Variants in ARHGEF10 observed in about 807,000 individuals in gnomAD.
ARHGEF10 encodes Rho guanine nucleotide exchange factor (GEF) 10.
A neutral mutation model predicts 147.4 loss-of-function variants in ARHGEF10; 140 were observed. The ratio of observed to expected loss-of-function variants is 0.95; its 90% CI spans 0.83 to 1.09. The LOEUF is 1.09. ARHGEF10 is among the 50% of genes least tolerant of loss of function. ARHGEF10 has a pLI of 0.00. For missense variants in ARHGEF10, 2,222 were observed against 1,752.7 expected (o/e 1.27, Z -4.78); for synonymous variants, 902 against 695.8 (o/e 1.30, Z -4.67).
At position 1,867,205 on chromosome 8, in the gene ARHGEF10, G is replaced by A. The variant is rs573194048; in HGVS notation, c.622+603G>A. On this transcript the variant is annotated intron_variant, in intron 6 of 28. Transcript: ENST00000349830. Reference sequence around the variant, plus strand: ...TTGTAACTTAAAAATAAGTTCTGTAGCGTATTTTTCCAAAACAATAGCCTG... The same window carrying A: ...TTGTAACTTAAAAATAAGTTCTGTAACGTATTTTTCCAAAACAATAGCCTG... Among the ~76,000 whole-genome samples, 14 of 152,204 alleles carry A rather than the reference G, an allele frequency of 9.2e-5. No homozygotes were observed. The East Asian group carries it at 2.5e-3, about 27-fold the overall frequency.
chr8:1,850,286 C>T (rs1805009555), intron 2 of ARHGEF10, among the ~76,000 whole-genome samples: 1 of 123,406 alleles, frequency 8.1e-6, no homozygotes, highest in Non-Finnish European at 1.8e-5. Context: ...TGTGGGGCGG[C>T]CGCGTGGGCA....
chr8:1,935,798 T>A (rs1447909918), intron 26 of ARHGEF10, among the ~76,000 whole-genome samples: 1 of 152,232 alleles, frequency 6.6e-6, no homozygotes, highest in Non-Finnish European at 1.5e-5. Context: ...AGGGCATCTA[T>A]GCCCCACAGA....
rs1349711635 is a variant in ARHGEF10 at position 1,893,734 on chromosome 8, A to G, written c.1260+88A>G. On this transcript the variant is annotated intron_variant, in intron 12 of 28. Coordinates refer to ENST00000349830, the MANE Select transcript of ARHGEF10 (RefSeq NM_014629.4). ...TTTGATCCATAAATGCAAAGCATAT[A>G]TGTTTATGAAACATAACATGCAAAT... is the stretch of plus-strand genomic sequence containing the variant. The G allele has an allele frequency of 1.4e-5, 15 of 1,102,488 alleles. No homozygotes were observed. In the East Asian group the frequency reaches 3.5e-4, roughly 25 times the overall value. The allele number at this position is 1,102,488 out of a possible 1,614,324, so 68.3% of individuals were successfully genotyped here.
Position 1,922,969 on chromosome 8 carries a change from G to C in ARHGEF10, c.2149G>C (p.Val717Leu), listed in dbSNP as rs1480478845. The C allele has an allele frequency of 1.2e-6, 2 of 1,610,896 alleles. No individual in the cohort carries two copies. The highest frequency in any genetic ancestry group is 1.7e-6 in the Non-Finnish European group (2 of 1,177,888). ...TCTTTTTGCTTATTTTGTAGACAAAGTTTACATGGGGCCAGGACAACTGTA... is the reference window on the plus strand; with the variant it reads ...TCTTTTTGCTTATTTTGTAGACAAACTTTACATGGGGCCAGGACAACTGTA... ...AVVANAKPNKVYMGPGQLYQD... is the reference protein window; with the variant it reads ...AVVANAKPNKLYMGPGQLYQD... The change falls in exon 19 of 29, where the codon GTT (valine) becomes CTT (leucine). Residue 717 changes from valine (V) to leucine (L), a missense_variant. Transcript: ENST00000349830.
intron 1 of ARHGEF10, among the ~76,000 whole-genome samples, chr8:1,827,169 A>G (rs563417746): frequency 6.6e-5 from 10 of 152,356 alleles, no homozygotes; most frequent in African/African-American, 2.2e-4. Context: ...CCCTGCCACC[A>G]GCCCCCACGC....
At position 1,948,420 on chromosome 8, in the gene ARHGEF10, G is replaced by T. The variant is rs537032246; in HGVS notation, c.3397+2765G>T. On this transcript the variant is annotated intron_variant, in intron 27 of 28. Transcript: ENST00000349830. The surrounding 1 kb of genome is among the most constrained non-coding windows in gnomAD (Gnocchi z 4.9). ...GGTTTCTCCGGCATTTCGGTACTAAGTTGGAAATAGCTCCAGCTTCACTGA... is the reference window on the plus strand; with the variant it reads ...GGTTTCTCCGGCATTTCGGTACTAATTTGGAAATAGCTCCAGCTTCACTGA... Among the ~76,000 whole-genome samples, 1 of 152,342 alleles carries T rather than the reference G, an allele frequency of 6.6e-6. No homozygotes were observed. Among genetic ancestry groups the T allele is most frequent in the Non-Finnish European group, 1.5e-5 (1 of 68,030 alleles).
rs528678102 is a variant in ARHGEF10, at chr8:1,948,174, G to A, written c.3397+2519G>A. Among the ~76,000 whole-genome samples the A allele has an allele frequency of 2.6e-5, 4 of 152,208 alleles. No individual in the cohort carries two copies. The East Asian group carries it at 7.8e-4, about 30-fold the overall frequency. ...CTTGGCAGCAGATGCATGGGGCTCTGCAGAGCCACCATCCCCTGGCGCCCA... is the reference window on the plus strand; with the variant it reads ...CTTGGCAGCAGATGCATGGGGCTCTACAGAGCCACCATCCCCTGGCGCCCA... On this transcript the variant is annotated intron_variant, in intron 27 of 28. Coordinates refer to ENST00000349830, the MANE Select transcript of ARHGEF10 (RefSeq NM_014629.4). The surrounding 1 kb of genome is among the most constrained non-coding windows in gnomAD (Gnocchi z 4.9).
intron 16 of ARHGEF10, chr8:1,903,721 G>A (rs961691313): frequency 3.7e-6 from 2 of 536,128 alleles, no homozygotes; most frequent in East Asian, 3.3e-5. Flanking sequence ...ACCTCCCAAG[G>A]GGTTAAGAGC....
At chr8:1,923,369 G>A (rs1169350233) in intron 19 of ARHGEF10, 99 bp from the exon 20 acceptor site, 1 of 1,536,822 alleles carries the variant, frequency 6.5e-7, no homozygotes, top group African/African-American at 1.4e-5. Context: ...GTTTCATTTG[G>A]TCTGAATTTC....
At chr8:1,916,934 T>A (rs976027186) in intron 18 of ARHGEF10, among the ~76,000 whole-genome samples, 4 of 152,258 alleles carry the variant, frequency 2.6e-5, no homozygotes, top group Non-Finnish European at 5.9e-5. Flanking sequence ...GTTCTCTATG[T>A]GATCCTGTAT....
At chr8:1,901,231 C>T (rs1057285597) in intron 15 of ARHGEF10, among the ~76,000 whole-genome samples, 1 of 152,096 alleles carries the variant, frequency 6.6e-6, no homozygotes, top group Non-Finnish European at 1.5e-5. Flanking sequence ...CTGCCTTCTG[C>T]CGTAGTCCGT....
In ARHGEF10 at chr8:1,841,839, G is replaced by GCGCC. The variant is rs1563161378; in HGVS notation, c.-47-1514_-47-1513insCGCC. Among the ~76,000 whole-genome samples, 109 of 115,532 alleles carry GCGCC rather than the reference G, an allele frequency of 9.4e-4. 1 individual carries two copies. Among genetic ancestry groups the GCGCC allele is most frequent in the Admixed American group, 6.8e-3 (70 of 10,232 alleles). 75.8% of individuals were successfully genotyped at this position (115,532 alleles called of 152,430 possible). A position where few individuals can be genotyped will look rare whatever the true frequency, so the allele number is the denominator to read the frequency against. On this transcript the variant is annotated intron_variant, in intron 1 of 28. Transcript: ENST00000349830. ...CGCGGCGGGAACTGGGGCCGCGACG[G>GCGCC]GAACTGGGGCCGCGGCGGGAACTGG...
intron 17 of ARHGEF10, among the ~76,000 whole-genome samples, chr8:1,908,065 C>T (rs1443583762): frequency 6.6e-6 from 1 of 152,076 alleles, no homozygotes; most frequent in Non-Finnish European, 1.5e-5. Flanking sequence ...AATTGTTCTT[C>T]CTCCTTTCCC....
rs778761628 is a variant in ARHGEF10, at chr8:1,859,960, C to T, written c.257C>T (p.Pro86Leu). ...GCAGAGCCTACTAAGCTGGTGCTCC[C>T]GATGAAAGTCAACCCATATTCTGTC... ...PVAEPTKLVL[P>L]MKVNPYSVID... Residue 86 changes from proline to leucine, a missense_variant, in exon 4 of 29, where the codon CCG becomes CTG. Physicochemically the swap from Pro to Leu is moderately conservative, Grantham distance 98 (BLOSUM62 -3). Coordinates refer to ENST00000349830, the MANE Select transcript of ARHGEF10 (RefSeq NM_014629.4). The T allele has an allele frequency of 1.7e-5, 28 of 1,614,054 alleles. No homozygotes were observed. The highest frequency in any genetic ancestry group is 5.5e-5 in the South Asian group (5 of 91,088).
intron 15 of ARHGEF10, among the ~76,000 whole-genome samples, chr8:1,898,770 G>T (rs1379962984): frequency 6.6e-6 from 1 of 152,128 alleles, no homozygotes; most frequent in Non-Finnish European, 1.5e-5. Flanking sequence ...GGGATGGGCT[G>T]CGGGGAGGGG....
In ARHGEF10 at chr8:1,876,417, A is replaced by G. The variant is rs184878049; in HGVS notation, c.680-154A>G. 2.2e-4 allele frequency: 172 copies of G among 795,596 alleles called. 2 individuals carry two copies. In the African/African-American group the frequency reaches 2.3e-3, roughly 11 times the overall value. 49.3% of individuals were successfully genotyped at this position (795,596 alleles called of 1,614,324 possible). A position where few individuals can be genotyped will look rare whatever the true frequency, so the allele number is the denominator to read the frequency against. On this transcript the variant is annotated intron_variant, in intron 7 of 28. Transcript: ENST00000349830. Reference sequence around the variant, plus strand: ...GTGGAGGCGCTGCACGGTGCCTTCCATGGAGCAAGCCCGGGGCTCCGCAGG... The same window carrying G: ...GTGGAGGCGCTGCACGGTGCCTTCCGTGGAGCAAGCCCGGGGCTCCGCAGG...
Position 1,866,548 on chromosome 8 carries a change from G to C in ARHGEF10, c.568G>C (p.Asp190His), listed in dbSNP as rs767849276. 5 of 1,610,510 alleles carry C rather than the reference G, an allele frequency of 3.1e-6. No individual in the cohort carries two copies. The Admixed American group carries it at 5.0e-5, about 16-fold the overall frequency. ...AAGTGAAGATCAAGTCGGTCGAGAG[G>C]ACAGCGCACTTGCCCGCTGGGCCGC... ...PTSEDQVGRE[D>H]SALARWAADP... Residue 190 changes from aspartate to histidine, a missense_variant, in exon 6 of 29, where the codon GAC (aspartate) becomes CAC (histidine). Transcript: ENST00000349830.
chr8:1,839,106 G>A (rs1563156655), intron 1 of ARHGEF10, among the ~76,000 whole-genome samples: 2 of 151,688 alleles, frequency 1.3e-5, no homozygotes, highest in Non-Finnish European at 2.9e-5. Context: ...TGTGGGGAGT[G>A]TCTGGTGTGG....
chr8:1,915,140 G>C (rs996043809), intron 18 of ARHGEF10, among the ~76,000 whole-genome samples: 6 of 152,186 alleles, frequency 3.9e-5, no homozygotes, highest in African/African-American at 1.4e-4. Flanking sequence ...GACAACATCT[G>C]TATGCTGAGA....
Sources: gnomAD v4.1 joint callset for allele counts (sites outside exome capture counted in the v4.1 genomes callset) on GRCh38, gnomAD v4.1.1 for gene constraint, Gnocchi (gnomAD v3.1) non-coding constraint, MANE v1.5 for transcripts, NCBI Gene and HGNC (gene_info 2026-07-23, HGNC 2026-07-21) for gene names.